The following CAB39L variants were observed in gnomAD, a reference collection of about 807,000 sequenced individuals.
The protein encoded by CAB39L is calcium-binding protein 39-like.
CAB39L carries 23 observed loss-of-function variants against 39.1 expected under a neutral mutation model. That is an observed-to-expected ratio of 0.59 (90% CI 0.42 to 0.83). The LOEUF is 0.83. Ranked by LOEUF, CAB39L falls within the 40% of genes least tolerant of loss-of-function variation. The pLI is 0.00. For synonymous variants in CAB39L, 126 were observed against 137.2 expected (o/e 0.92, Z 0.57); for missense variants, 366 against 391.9 (o/e 0.93, Z 0.56).
intron 3 of CAB39L, among the ~76,000 whole-genome samples, chr13:49,400,030 G>A (rs1272948348): frequency 6.6e-6 from 1 of 152,008 alleles, no homozygotes; most frequent in African/African-American, 2.4e-5. Flanking sequence ...TGTACACGTA[G>A]AGGAAATGTT....
In CAB39L at chr13:49,328,892, T is replaced by C. The variant is rs1302325000; in HGVS notation, c.834+3055A>G. Among the ~76,000 whole-genome samples, 3 of 152,190 alleles carry C rather than the reference T, an allele frequency of 2.0e-5. No individual in the cohort carries two copies. The East Asian group carries it at 5.8e-4, about 29-fold the overall frequency. Reference sequence around the variant, plus strand: ...TATTTCTTTTTAAAGGAATTCTTCCTACCCCAATATTATATAGACAGCCTC... The same window carrying C: ...TATTTCTTTTTAAAGGAATTCTTCCCACCCCAATATTATATAGACAGCCTC... On this transcript the variant is annotated intron_variant, in intron 10 of 10. Coordinates refer to ENST00000409308, the MANE Select transcript of CAB39L (RefSeq NM_001079670.3).
At chr13:49,344,076 C>T (rs73485435) in intron 8 of CAB39L, 103 bp downstream of exon 8, 22,850 of 742,474 alleles carry the variant, frequency 0.031, 913 homozygotes, top group African/African-American at 0.11. Context: ...TGGTTGAATG[C>T]GACTGATTTC....
intron 9 of CAB39L, among the ~76,000 whole-genome samples, chr13:49,334,774 A>C (rs970586344): frequency 1.3e-5 from 2 of 152,196 alleles, no homozygotes; most frequent in Non-Finnish European, 2.9e-5. Context: ...TTGCAAACAG[A>C]CAAAACTATC....
chr13:49,362,665 T>C (rs929329736), intron 5 of CAB39L, among the ~76,000 whole-genome samples: 10 of 151,418 alleles, frequency 6.6e-5, no homozygotes. Flanking sequence ...GAAAAAGAGA[T>C]AGGGGTAGAA....
chr13:49,356,003 T>C (rs1421696538), intron 6 of CAB39L, among the ~76,000 whole-genome samples: 3 of 152,068 alleles, frequency 2.0e-5, no homozygotes, highest in Non-Finnish European at 2.9e-5. Context: ...CTTTAGCCAA[T>C]AAAAAATACA....
At chr13:49,432,365 G>A (rs1957341087) in intron 3 of CAB39L, among the ~76,000 whole-genome samples, 1 of 152,022 alleles carries the variant, frequency 6.6e-6, no homozygotes, top group Non-Finnish European at 1.5e-5. Context: ...TGAACTCCCG[G>A]GCTCAAGCGA....
At chr13:49,392,535 G>A (rs1351247594) in intron 3 of CAB39L, among the ~76,000 whole-genome samples, 1 of 152,138 alleles carries the variant, frequency 6.6e-6, no homozygotes, top group Non-Finnish European at 1.5e-5. Context: ...CAGCTACTCA[G>A]GAGGCTGAGG....
rs1375554634 is a variant in CAB39L at position 49,437,570 on chromosome 13, C to T, written c.-245-3347G>A. On this transcript the variant is annotated intron_variant, in intron 1 of 10. Transcript: ENST00000409308. ...CTGGGAATTATCTGTATTCTGCTAC[C>T]CCTAGGTCCTGCAACCTCTCCTCTT... 2.0e-5 allele frequency among the ~76,000 whole-genome samples: 3 copies of T among 152,258 alleles called. No homozygotes were observed. The South Asian group carries it at 6.2e-4, about 32-fold the overall frequency.
intron 3 of CAB39L, among the ~76,000 whole-genome samples, chr13:49,409,910 TTA>T (rs1956955238): frequency 7.9e-6 from 1 of 126,342 alleles, no homozygotes; most frequent in Non-Finnish European, 1.8e-5. Context: ...CTCTCTCTAT[TTA>T]AAAAAAAAAA....
chr13:49,434,830 G>C (rs1957384209), intron 1 of CAB39L, among the ~76,000 whole-genome samples: 1 of 151,526 alleles, frequency 6.6e-6, no homozygotes, highest in Non-Finnish European at 1.5e-5. Flanking sequence ...ATGTTCTAGA[G>C]CCACTAGAAT....
chr13:49,412,831 C>G (rs1403152303), intron 3 of CAB39L: 2 of 152,202 alleles, frequency 1.3e-5, no homozygotes, highest in African/African-American at 4.8e-5. Context: ...AGGGTTTGTG[C>G]TGTCTATGAG....
intron 5 of CAB39L, among the ~76,000 whole-genome samples, chr13:49,374,281 G>A (rs888678331): frequency 5.3e-5 from 8 of 151,884 alleles, no homozygotes; most frequent in Admixed American, 1.3e-4. Flanking sequence ...GTTTAAAAAC[G>A]TATTATATCT....
intron 10 of CAB39L, among the ~76,000 whole-genome samples, chr13:49,326,523 C>T (rs572798908): frequency 6.6e-6 from 1 of 152,298 alleles, no homozygotes; most frequent in South Asian, 2.1e-4. Flanking sequence ...ATTTTCAGGA[C>T]TGGGTTCCAC....
intron 1 of CAB39L, among the ~76,000 whole-genome samples, chr13:49,437,290 C>T (rs1957433352): frequency 6.6e-6 from 1 of 152,088 alleles, no homozygotes; most frequent in Non-Finnish European, 1.5e-5. Flanking sequence ...ATTAATGACT[C>T]CTTTTTGGGT....
intron 3 of CAB39L, among the ~76,000 whole-genome samples, chr13:49,415,849 T>A (rs1217297166): frequency 1.3e-5 from 2 of 152,216 alleles, no homozygotes; most frequent in East Asian, 3.8e-4. Flanking sequence ...ACTAATTTTT[T>A]AAAAATTATA....
rs35392956 is a variant in CAB39L, at chr13:49,407,861, C to CAAAA, written c.-31-24924_-31-24921dup. ...TGAGCAACATAGCAAGACCCCGTCTCAAAAAAAAAAAAAAAAATAGAAGAA... is the reference window on the plus strand; with the variant it reads ...TGAGCAACATAGCAAGACCCCGTCTCAAAAAAAAAAAAAAAAAAAAATAGAAGAA... On this transcript the variant is annotated intron_variant, in intron 3 of 10. Transcript: ENST00000409308. 2.0e-3 allele frequency among the ~76,000 whole-genome samples: 229 copies of CAAAA among 114,016 alleles called. 1 individual carries two copies. The highest frequency in any genetic ancestry group is 6.9e-3 in the African/African-American group (204 of 29,444). The allele number at this position is 114,016 out of a possible 152,430, so 74.8% of individuals were successfully genotyped here. A position where few individuals can be genotyped will look rare whatever the true frequency, so the allele number is the denominator to read the frequency against.
intron 10 of CAB39L, among the ~76,000 whole-genome samples, chr13:49,315,131 T>C (rs4942815): frequency 0.61 from 92,710 of 152,048 alleles, 29,381 homozygotes; most frequent in South Asian, 0.78. Flanking sequence ...AAATATGATA[T>C]ATAAATTCTT....
At chr13:49,374,363 T>G (rs1956001951) in intron 5 of CAB39L, among the ~76,000 whole-genome samples, 1 of 152,158 alleles carries the variant, frequency 6.6e-6, no homozygotes, top group Middle Eastern at 3.4e-3. Context: ...TCCACAAGAG[T>G]AATCAATTTA....
intron 10 of CAB39L, among the ~76,000 whole-genome samples, chr13:49,324,481 T>A (rs1954442263): frequency 6.6e-6 from 1 of 152,188 alleles, no homozygotes; most frequent in African/African-American, 2.4e-5. Flanking sequence ...AGAGGAAAAT[T>A]CCTGCTCGCA....
Sources: allele counts gnomAD v4.1 joint callset (sites outside exome capture counted in the v4.1 genomes callset), GRCh38; gene constraint gnomAD v4.1.1; transcripts MANE v1.5; gene names NCBI Gene and HGNC (gene_info 2026-07-23, HGNC 2026-07-21).